The following FSIP2 variants were observed in gnomAD, a reference collection of about 807,000 sequenced individuals.
The protein encoded by FSIP2 is fibrous sheath-interacting protein 2.
In FSIP2, 367 loss-of-function variants were observed where a neutral mutation model predicts 510.5. The ratio of observed to expected loss-of-function variants is 0.72; its 90% CI spans 0.66 to 0.78. FSIP2 has a LOEUF of 0.78. Ranked by LOEUF, FSIP2 falls within the 30% of genes least tolerant of loss-of-function variation. The pLI is 0.00. For missense variants in FSIP2, 7,594 were observed against 7,901.7 expected (o/e 0.96, Z 1.48); for synonymous variants, 2,601 against 2,732.2 (o/e 0.95, Z 1.50).
At chr2:185,798,527 A>G (rs565321166) in intron 16 of FSIP2, among the ~76,000 whole-genome samples, 2 of 151,972 alleles carry the variant, frequency 1.3e-5, no homozygotes, top group South Asian at 4.2e-4. Flanking sequence ...CTAGGTCAGT[A>G]GTTTCAGTTA....
In FSIP2 at chr2:185,753,839, CATG is replaced by C; in HGVS notation, c.989_991del (p.His330_Ala331delinsPro). The C allele has an allele frequency of 6.8e-7, 1 of 1,460,356 alleles. No individual in the cohort carries two copies. The highest frequency in any genetic ancestry group is 9.0e-7 in the Non-Finnish European group (1 of 1,112,254). The allele number at this position is 1,460,356 out of a possible 1,614,324, so 90.5% of individuals were successfully genotyped here. A position where few individuals can be genotyped will look rare whatever the true frequency, so the allele number is the denominator to read the frequency against. The stretch of plus-strand genomic sequence containing the variant: ...TAAATACAGAGGTCAAGATGGAACA[CATG>C]GTGAATGTGAGAACATTAAAAGATG... On this transcript the variant is annotated inframe_deletion and splice_region_variant, in exon 8 of 23. Transcript: ENST00000424728.
At position 185,804,614 on chromosome 2, in the gene FSIP2, G is replaced by T; in HGVS notation, c.15308G>T (p.Ser5103Ile). Reference sequence around the variant, plus strand: ...GTGCTTAACATAATCACAAAGGATAGCCATGCCTTGCCACCATATATTACT... The same window carrying T: ...GTGCTTAACATAATCACAAAGGATATCCATGCCTTGCCACCATATATTACT... ...RNVLNIITKD[S>I]HALPPYITVL... The change falls in exon 17 of 23, where the codon AGC becomes ATC. Residue 5103 changes from serine to isoleucine, a missense_variant. Physicochemically the swap from Ser to Ile is moderately radical, Grantham distance 142. Transcript: ENST00000424728. 6.5e-7 allele frequency: 1 copy of T among 1,533,224 alleles called. No individual in the cohort carries two copies. The highest frequency in any genetic ancestry group is 8.7e-7 in the Non-Finnish European group (1 of 1,144,876). 95.0% of individuals were successfully genotyped at this position (1,533,224 alleles called of 1,614,324 possible).
chr2:185,813,386 ATTTC>A (rs892180124), intron 17 of FSIP2, among the ~76,000 whole-genome samples, 155 bp from the exon 18 acceptor site: 3 of 151,946 alleles, frequency 2.0e-5, no homozygotes, highest in African/African-American at 7.2e-5. Flanking sequence ...ATTTGTCTTT[ATTTC>A]TTTTAAAAAT....
At chr2:185,759,870 A>G (rs1231223991) in intron 9 of FSIP2, among the ~76,000 whole-genome samples, 1 of 150,406 alleles carries the variant, frequency 6.6e-6, no homozygotes, top group Admixed American at 6.7e-5. Context: ...TTGCTTAAAT[A>G]TTTAGCACAA....
At position 185,795,117 on chromosome 2, in the gene FSIP2, A is replaced by G. The variant is rs1428487368; in HGVS notation, c.7981A>G (p.Lys2661Glu). The change falls in exon 16 of 23, where the codon AAA (lysine) becomes GAA (glutamate). Residue 2661 changes from lysine (K) to glutamate (E), a missense_variant. Physicochemically the swap from Lys to Glu is moderately conservative, Grantham distance 56. Transcript: ENST00000424728. ...TAAGGACAACCCTAAGCCATGCTTT[A>G]AAGCACATTTAAAAACAAGATCAAA... ...SPKDNPKPCFKAHLKTRSKIT... is the reference protein window; with the variant it reads ...SPKDNPKPCFEAHLKTRSKIT... The G allele has an allele frequency of 2.0e-6, 3 of 1,534,854 alleles. No individual in the cohort carries two copies. In the Admixed American group the frequency reaches 5.9e-5, roughly 30 times the overall value.
intron 9 of FSIP2, among the ~76,000 whole-genome samples, chr2:185,759,411 AAT>A (rs1257192959): frequency 9.6e-5 from 14 of 146,026 alleles, no homozygotes; most frequent in Non-Finnish European, 1.5e-4. Context: ...TACATATTAT[AAT>A]ATATATTATT....
chr2:185,787,819 C>G (rs1693025015), intron 15 of FSIP2, among the ~76,000 whole-genome samples: 1 of 151,578 alleles, frequency 6.6e-6, no homozygotes, highest in Non-Finnish European at 1.5e-5. Flanking sequence ...CTCAGCCCTC[C>G]CTACTCTTTG....
rs578237893 is a variant in FSIP2 at position 185,794,168 on chromosome 2, G to A, written c.7032G>A (p.Ser2344=). The change falls in exon 16 of 23, where the codon TCG becomes TCA. Residue 2344 remains serine (S), a synonymous_variant. Coordinates refer to ENST00000424728, the MANE Select transcript of FSIP2 (RefSeq NM_173651.4). ...AACTTGGATCCACAATTCACCTATC[G>A]CAAGCTAGGCTTAAGACATATGCTG... ...REKLGSTIHL[S]QARLKTYADV... is the part of the protein sequence containing the mutation. The A allele has an allele frequency of 3.3e-5, 50 of 1,534,168 alleles. No homozygotes were observed. Among genetic ancestry groups the A allele is most frequent in the Middle Eastern group, 1.7e-4 (1 of 5,980 alleles).
intron 19 of FSIP2, among the ~76,000 whole-genome samples, chr2:185,818,534 T>C (rs1374491547): frequency 6.6e-6 from 1 of 151,896 alleles, no homozygotes; most frequent in East Asian, 1.9e-4. Flanking sequence ...ATAATCAAAC[T>C]GTCAGAAGAC....
At chr2:185,827,789 T>A (rs1694038686) in intron 20 of FSIP2, among the ~76,000 whole-genome samples, 1 of 151,916 alleles carries the variant, frequency 6.6e-6, no homozygotes, top group Non-Finnish European at 1.5e-5. Flanking sequence ...CTGGAAGGGC[T>A]ATTAAGAATC....
chr2:185,773,171 T>G (rs1692644410), intron 13 of FSIP2, among the ~76,000 whole-genome samples: 1 of 152,176 alleles, frequency 6.6e-6, no homozygotes, highest in Non-Finnish European at 1.5e-5. Flanking sequence ...CCAGAGCATT[T>G]CTTATAGGAC....
rs1221513281 is a variant in FSIP2 at position 185,793,886 on chromosome 2, T to C, written c.6750T>C (p.Ala2250=). ...KSATDSCEEN[A]NFITKTIFKR... The stretch of plus-strand genomic sequence containing the variant: ...CTACTGACTCATGTGAGGAAAATGC[T>C]AACTTCATTACTAAAACTATTTTTA... Residue 2250 remains alanine, a synonymous_variant, in exon 16 of 23, where the codon GCT becomes GCC. Coordinates refer to ENST00000424728, the MANE Select transcript of FSIP2 (RefSeq NM_173651.4). 4.6e-6 allele frequency: 7 copies of C among 1,530,478 alleles called. No homozygotes were observed. The highest frequency in any genetic ancestry group is 2.0e-5 in the Admixed American group (1 of 50,282). 94.8% of individuals were successfully genotyped at this position (1,530,478 alleles called of 1,614,324 possible). A position where few individuals can be genotyped will look rare whatever the true frequency, so the allele number is the denominator to read the frequency against.
chr2:185,777,385 T>C (rs917580569), intron 13 of FSIP2, among the ~76,000 whole-genome samples: 1 of 132,348 alleles, frequency 7.6e-6, no homozygotes, highest in Non-Finnish European at 1.6e-5. Flanking sequence ...GCAATTCTTA[T>C]AATTGTAGTT....
At chr2:185,751,562 G>A (rs919133159) in intron 7 of FSIP2, among the ~76,000 whole-genome samples, 5 of 150,352 alleles carry the variant, frequency 3.3e-5, no homozygotes, top group Non-Finnish European at 7.4e-5. Flanking sequence ...TGTAATTGAG[G>A]TGTTTGTAGC....
In FSIP2 at chr2:185,802,118, C is replaced by G; in HGVS notation, c.12812C>G (p.Pro4271Arg). 1 of 1,533,266 alleles carries G rather than the reference C, an allele frequency of 6.5e-7. No individual in the cohort carries two copies. Among genetic ancestry groups the G allele is most frequent in the Non-Finnish European group, 8.7e-7 (1 of 1,145,004 alleles). The allele number at this position is 1,533,266 out of a possible 1,614,324, so 95.0% of individuals were successfully genotyped here. ...PFLSGEVLCH[P>R]RTPLDPVSTI... ...TTGAGTGGAGAGGTTTTATGTCATC[C>G]AAGGACTCCACTGGATCCAGTGTCT... The change falls in exon 17 of 23, where the codon CCA (proline) becomes CGA (arginine). Residue 4271 changes from proline to arginine, a missense_variant. Coordinates refer to ENST00000424728, the MANE Select transcript of FSIP2 (RefSeq NM_173651.4).
At chr2:185,757,109 T>G (rs1288558453) in intron 9 of FSIP2, among the ~76,000 whole-genome samples, 1 of 151,314 alleles carries the variant, frequency 6.6e-6, no homozygotes, top group Admixed American at 6.6e-5. Flanking sequence ...ACTGGCAAAT[T>G]TATGGCAATA....
chr2:185,752,060 T>C (rs1417214087), intron 7 of FSIP2, among the ~76,000 whole-genome samples: 1 of 147,926 alleles, frequency 6.8e-6, no homozygotes, highest in African/African-American at 2.4e-5. Context: ...TATTTTCATC[T>C]GCTATCATTT....
intron 13 of FSIP2, among the ~76,000 whole-genome samples, chr2:185,769,561 T>C (rs1418757450): frequency 6.6e-6 from 1 of 152,168 alleles, no homozygotes; most frequent in Non-Finnish European, 1.5e-5. Context: ...TTTTTTCCCA[T>C]TTTCTAGGTT....
chr2:185,739,115 C>G, intron 1 of FSIP2, 122 bp downstream of exon 1: 1 of 1,314,176 alleles, frequency 7.6e-7, no homozygotes, highest in East Asian at 2.6e-5. Context: ...GGAGGCTGCC[C>G]TCTTGCGGCG....
Sources: gnomAD v4.1 joint callset for allele counts (sites outside exome capture counted in the v4.1 genomes callset) on GRCh38, gnomAD v4.1.1 for gene constraint, MANE v1.5 for transcripts, NCBI Gene and HGNC (gene_info 2026-07-23, HGNC 2026-07-21) for gene names.